Variants in CHD9 observed in about 807,000 individuals in gnomAD.
The protein encoded by CHD9 is ATP-dependent chromatin remodeler CHD9.
Under a neutral mutation model 316.1 loss-of-function variants are expected in CHD9, and 77 were observed. The observed-to-expected ratio is 0.24, with a 90% CI of 0.20 to 0.29. The LOEUF (loss-of-function observed/expected upper bound fraction) is 0.29, where lower values mean the gene tolerates loss of function less well. CHD9 is among the 10% of genes least tolerant of loss of function. The probability of loss-of-function intolerance (pLI) is 1.00; values close to 1 mark genes in which losing one functional copy is unlikely to be tolerated. For synonymous variants in CHD9, 1,129 were observed against 1,158.3 expected (o/e 0.97, Z 0.51); for missense variants, 2,763 against 3,438.1 (o/e 0.80, Z 4.91).
intron 3 of CHD9, 66 bp downstream of exon 3, chr16:53,209,879 A>T (rs1211748836): frequency 8.7e-7 from 1 of 1,148,028 alleles, no homozygotes. Context: ...CTGTCCAACC[A>T]TCTACTTTTG....
intron 36 of CHD9, among the ~76,000 whole-genome samples, chr16:53,315,432 G>C (rs1173567472): frequency 6.6e-6 from 1 of 152,142 alleles, no homozygotes; most frequent in Non-Finnish European, 1.5e-5. Context: ...CACACCACAT[G>C]CATTACCTCA....
At chr16:53,154,481 A>G (rs62048016) in intron 1 of CHD9, among the ~76,000 whole-genome samples, 35,099 of 152,070 alleles carry the variant, frequency 0.23, 4,529 homozygotes, top group Middle Eastern at 0.32. Flanking sequence ...GGATGATACT[A>G]TGCATCTTCT....
chr16:53,271,172 C>G (rs909796062), intron 22 of CHD9, among the ~76,000 whole-genome samples: 2 of 151,732 alleles, frequency 1.3e-5, no homozygotes, highest in Non-Finnish European at 2.9e-5. Flanking sequence ...TCCATCCCTT[C>G]AGTCTCCCTA....
intron 30 of CHD9, among the ~76,000 whole-genome samples, chr16:53,297,893 A>G (rs1567643831): frequency 6.6e-6 from 1 of 152,230 alleles, no homozygotes; most frequent in Non-Finnish European, 1.5e-5. Flanking sequence ...CTTGATTACT[A>G]GGTAATTCAG....
At chr16:53,070,439 A>C (rs908422991) in intron 1 of CHD9, among the ~76,000 whole-genome samples, 2 of 151,896 alleles carry the variant, frequency 1.3e-5, no homozygotes, top group Non-Finnish European at 2.9e-5. Flanking sequence ...AAGGTTAAGG[A>C]TACAACTTCA....
chr16:53,323,651 G>A (rs537894579), intron 38 of CHD9, among the ~76,000 whole-genome samples: 52 of 152,250 alleles, frequency 3.4e-4, no homozygotes, highest in African/African-American at 1.2e-3. Flanking sequence ...TTAGAAGGGA[G>A]CCACTTCTTT....
chr16:53,130,624 C>T, intron 1 of CHD9, among the ~76,000 whole-genome samples: 1 of 151,416 alleles, frequency 6.6e-6, no homozygotes, highest in South Asian at 2.1e-4. Flanking sequence ...TTCCCCGCCC[C>T]GAGGCCGCCC....
At chr16:53,126,742 G>A (rs529555296) in intron 1 of CHD9, among the ~76,000 whole-genome samples, 42 of 151,812 alleles carry the variant, frequency 2.8e-4, no homozygotes, top group African/African-American at 9.4e-4. Context: ...GCAGTAGCAC[G>A]ATCTCGGCTC....
At chr16:53,105,930 CTCCT>C (rs2037313047) in intron 1 of CHD9, among the ~76,000 whole-genome samples, 1 of 151,124 alleles carries the variant, frequency 6.6e-6, no homozygotes, top group South Asian at 2.1e-4. Flanking sequence ...TCAAGCAATT[CTCCT>C]GCCTTTGCCT....
chr16:53,160,936 T>C (rs1346960097), intron 2 of CHD9, among the ~76,000 whole-genome samples: 3 of 152,002 alleles, frequency 2.0e-5, no homozygotes, highest in African/African-American at 7.2e-5. Context: ...AAGTCTGTTC[T>C]CGACCAGGTG....
intron 1 of CHD9, among the ~76,000 whole-genome samples, chr16:53,140,519 A>C (rs1437539787): frequency 6.6e-6 from 1 of 152,144 alleles, no homozygotes; most frequent in African/African-American, 2.4e-5. Context: ...GCAACTAGGA[A>C]ATTTGTCATC....
intron 2 of CHD9, among the ~76,000 whole-genome samples, chr16:53,158,789 C>T (rs983884913): frequency 6.6e-6 from 1 of 152,020 alleles, no homozygotes; most frequent in East Asian, 1.9e-4. Context: ...AGGCATGTGC[C>T]ACCATGCCTG....
intron 1 of CHD9, among the ~76,000 whole-genome samples, chr16:53,143,358 T>TTTTTTTTATTTA (rs377721113): frequency 4.3e-5 from 6 of 137,982 alleles, no homozygotes; most frequent in Admixed American, 1.5e-4. Context: ...TTTTATCTTA[T>TTTTTTTTATTTA]TTTATTTATT....
Position 53,218,014 on chromosome 16 carries a change from C to T in CHD9, c.1785-4630C>T, listed in dbSNP as rs567803042. 1.6e-3 allele frequency among the ~76,000 whole-genome samples: 248 copies of T among 151,014 alleles called. 1 individual carries two copies. Among genetic ancestry groups the T allele is most frequent in the African/African-American group, 5.9e-3 (242 of 41,074 alleles). ...TTTAAAATCTAATTTTAAAATGCCA[C>T]CCAAATTAACCCAGAATTGTATCAG... On this transcript the variant is annotated intron_variant, in intron 3 of 38. Coordinates refer to ENST00000447540, the MANE Select transcript of CHD9 (RefSeq NM_001308319.2).
intron 2 of CHD9, among the ~76,000 whole-genome samples, chr16:53,164,768 C>G (rs1192767875): frequency 6.6e-6 from 1 of 151,928 alleles, no homozygotes; most frequent in Non-Finnish European, 1.5e-5. Flanking sequence ...ATTCTTGTGC[C>G]TCAGCCTCCC....
At chr16:53,147,011 CTTA>C (rs2040686631) in intron 1 of CHD9, among the ~76,000 whole-genome samples, 1 of 151,934 alleles carries the variant, frequency 6.6e-6, no homozygotes. Flanking sequence ...TGAATAAATA[CTTA>C]TTATCTGATA....
intron 1 of CHD9, among the ~76,000 whole-genome samples, chr16:53,146,325 A>G (rs1449669059): frequency 2.1e-5 from 3 of 145,232 alleles, no homozygotes; most frequent in Non-Finnish European, 4.5e-5. Flanking sequence ...CCCGGGAGGC[A>G]GAGGTTGCAG....
In CHD9 at chr16:53,231,474, T is replaced by G. The variant is rs763032523; in HGVS notation, c.2342T>G (p.Val781Gly). The change falls in exon 9 of 39, where the codon GTC becomes GGC. Residue 781 changes from valine (V) to glycine (G), a missense_variant. By Grantham distance (109) the Val-to-Gly change is moderately radical. Around this residue, in one of 15 missense-constraint regions of CHD9, gnomAD observed 186 missense variants for 245.0 expected, o/e 0.76. Coordinates refer to ENST00000447540, the MANE Select transcript of CHD9 (RefSeq NM_001308319.2). ...DYVEVDRVLE[V>G]SFCEDKDTGE... is the part of the protein sequence containing the mutation. ...GTTGAAGTAGACAGAGTATTAGAAG[T>G]CTCTTTTTGTGAAGATAAGGATACT... 1 of 1,599,798 alleles carries G rather than the reference T, an allele frequency of 6.3e-7. No individual in the cohort carries two copies. The highest frequency in any genetic ancestry group is 2.2e-5 in the East Asian group (1 of 44,678).
intron 2 of CHD9, among the ~76,000 whole-genome samples, chr16:53,195,252 C>T (rs1255754770): frequency 6.6e-6 from 1 of 152,152 alleles, no homozygotes; most frequent in African/African-American, 2.4e-5. Context: ...TCAAGGGCAA[C>T]CACCATTCTG....
Sources: allele counts gnomAD v4.1 joint callset (sites outside exome capture counted in the v4.1 genomes callset), GRCh38; gene constraint gnomAD v4.1.1; regional missense constraint gnomAD v4.1.1; transcripts MANE v1.5; gene names NCBI Gene and HGNC (gene_info 2026-07-23, HGNC 2026-07-21).